The following ZNF843 variants were observed in gnomAD, a reference collection of about 807,000 sequenced individuals.
ZNF843 encodes the protein zinc finger protein 843.
For synonymous variants in ZNF843, 185 were observed against 207.7 expected (o/e 0.89, Z 0.94); for missense variants, 482 against 469.4 (o/e 1.03, Z -0.25).
chr16:31,436,488 A>G lies in ZNF843; in HGVS notation c.362T>C (p.Val121Ala), dbSNP rs1280174724. 4 of 1,551,682 alleles carry G rather than the reference A, an allele frequency of 2.6e-6. No homozygotes were observed. The highest frequency in any genetic ancestry group is 3.9e-5 in the Admixed American group (2 of 51,008). The change falls in exon 2 of 2, where the codon GTA becomes GCA. Residue 121 changes from valine to alanine, a missense_variant. By Grantham distance (64) the Val-to-Ala change is moderately conservative (BLOSUM62 0). Transcript: ENST00000315678. ...TLAEALRLSP[V>A]PAGFWGPVEA... The stretch of plus-strand genomic sequence containing the variant: ...CACCGGTCCCCAAAAACCTGCTGGT[A>G]CTGGGGACAGACGCAGGGCTTCGGC...
At position 31,436,267 on chromosome 16, in the gene ZNF843, C is replaced by G. The variant is rs552735980; in HGVS notation, c.583G>C (p.Gly195Arg). 38 of 1,548,374 alleles carry G rather than the reference C, an allele frequency of 2.5e-5. No homozygotes were observed. In the African/African-American group the frequency reaches 4.5e-4, roughly 18 times the overall value. ...PSSVAPDSTS[G>R]LRPCGSPGSF... The stretch of plus-strand genomic sequence containing the variant: ...CCGGGGCTCCCACAGGGCCGGAGCC[C>G]AGAGGTGCTGTCCGGGGCGACTGAG... Residue 195 changes from glycine to arginine, a missense_variant, in exon 2 of 2, where the codon GGG becomes CGG. Coordinates refer to ENST00000315678, the MANE Select transcript of ZNF843 (RefSeq NM_001136509.3).
Position 31,436,430 on chromosome 16 carries a change from C to G in ZNF843, c.420G>C (p.Arg140Ser). 1 of 1,551,682 alleles carries G rather than the reference C, an allele frequency of 6.4e-7. No homozygotes were observed. Among genetic ancestry groups the G allele is most frequent in the Non-Finnish European group, 8.7e-7 (1 of 1,146,978 alleles). The change falls in exon 2 of 2, where the codon AGG becomes AGC. Residue 140 changes from arginine to serine, a missense_variant. Arg to Ser is a moderately radical substitution (Grantham distance 110). Transcript: ENST00000315678. ...TGCAGCAGCAGAAGGGACACACTCTCCTGTGTGAATTCGCTGGTGGCCGAT... is the reference window on the plus strand; with the variant it reads ...TGCAGCAGCAGAAGGGACACACTCTGCTGTGTGAATTCGCTGGTGGCCGAT... ...EADRPPANSH[R>S]RVCPFCCCSC...
chr16:31,437,910 G>A (rs1567365757), intron 1 of ZNF843, among the ~76,000 whole-genome samples: 1 of 152,112 alleles, frequency 6.6e-6, no homozygotes, highest in Non-Finnish European at 1.5e-5. Context: ...ACAGGTGTGA[G>A]CCACTGCACA....
chr16:31,440,619 CTTA>C (rs1367369406), intron 1 of ZNF843, among the ~76,000 whole-genome samples: 1 of 152,170 alleles, frequency 6.6e-6, no homozygotes, highest in East Asian at 1.9e-4. Context: ...ATGCACAGAG[CTTA>C]TTTTTTTTCC....
Position 31,435,635 on chromosome 16 carries a change from T to C in ZNF843, c.*168A>G. The C allele has an allele frequency of 1.6e-6, 1 of 630,426 alleles. No homozygotes were observed. The highest frequency in any genetic ancestry group is 2.5e-6 in the Non-Finnish European group (1 of 403,058). 39.1% of individuals were successfully genotyped at this position (630,426 alleles called of 1,614,324 possible). A position where few individuals can be genotyped will look rare whatever the true frequency, so the allele number is the denominator to read the frequency against. Reference sequence around the variant, plus strand: ...ATGTATAAGGGAAAGGAGCGAGAATTCAGGGGAAAAAAAACAAACAAAATA... The same window carrying C: ...ATGTATAAGGGAAAGGAGCGAGAATCCAGGGGAAAAAAAACAAACAAAATA... On this transcript the variant is annotated 3_prime_UTR_variant, in exon 2 of 2. Coordinates refer to ENST00000315678, the MANE Select transcript of ZNF843 (RefSeq NM_001136509.3).
rs1168744199 is a variant in ZNF843 at position 31,436,282 on chromosome 16, G to A, written c.568C>T (p.Pro190Ser). Reference sequence around the variant, plus strand: ...GGCCGGAGCCCAGAGGTGCTGTCCGGGGCGACTGAGCTGGGTGCGAGGCTG... The same window carrying A: ...GGCCGGAGCCCAGAGGTGCTGTCCGAGGCGACTGAGCTGGGTGCGAGGCTG... ...SVSLAPSSVA[P>S]DSTSGLRPCG... Residue 190 changes from proline to serine, a missense_variant, in exon 2 of 2, where the codon CCG (proline) becomes TCG (serine). By Grantham distance (74) the Pro-to-Ser change is moderately conservative. Coordinates refer to ENST00000315678, the MANE Select transcript of ZNF843 (RefSeq NM_001136509.3). 6.5e-7 allele frequency: 1 copy of A among 1,549,262 alleles called. No individual in the cohort carries two copies. Among genetic ancestry groups the A allele is most frequent in the Non-Finnish European group, 8.7e-7 (1 of 1,145,682 alleles).
chr16:31,436,642 C>A lies in ZNF843; in HGVS notation c.208G>T (p.Asp70Tyr). 1 of 1,551,616 alleles carries A rather than the reference C, an allele frequency of 6.4e-7. No homozygotes were observed. Among genetic ancestry groups the A allele is most frequent in the Non-Finnish European group, 8.7e-7 (1 of 1,146,994 alleles). Reference protein sequence around the residue: ...ETLSLSPVRQDLLWPLQPHQA... With the variant: ...ETLSLSPVRQYLLWPLQPHQA... Reference sequence around the variant, plus strand: ...TGAGGTTGGAGCGGCCACAGCAGGTCTTGCCGCACTGGGGACAGCGACAAG... The same window carrying A: ...TGAGGTTGGAGCGGCCACAGCAGGTATTGCCGCACTGGGGACAGCGACAAG... The change falls in exon 2 of 2, where the codon GAC becomes TAC. Residue 70 changes from aspartate (D) to tyrosine (Y), a missense_variant. By Grantham distance (160) the Asp-to-Tyr change is radical. Coordinates refer to ENST00000315678, the MANE Select transcript of ZNF843 (RefSeq NM_001136509.3).
chr16:31,441,757 G>A (rs1032380859), intron 1 of ZNF843, among the ~76,000 whole-genome samples: 1 of 152,168 alleles, frequency 6.6e-6, no homozygotes, highest in African/African-American at 2.4e-5. Context: ...GAAGTGCTGG[G>A]ATTACAGACG....
intron 1 of ZNF843, among the ~76,000 whole-genome samples, chr16:31,437,695 G>C (rs546231208): frequency 6.7e-6 from 1 of 149,834 alleles, no homozygotes; most frequent in African/African-American, 2.5e-5. Context: ...AGCTATGTCG[G>C]CTCACTGCAA....
chr16:31,441,354 GT>G (rs2082200551), intron 1 of ZNF843, among the ~76,000 whole-genome samples: 1 of 152,222 alleles, frequency 6.6e-6, no homozygotes, highest in Non-Finnish European at 1.5e-5. Context: ...GCACCCAGGA[GT>G]AACAACATAC....
Position 31,436,879 on chromosome 16 carries a change from G to C in ZNF843, c.-30C>G. ...AGGGCTTCGGAGATGACCGCTCAGG[G>C]AGTAACTGTACGGGAGGCTTTGCCG... On this transcript the variant is annotated 5_prime_UTR_variant, in exon 2 of 2. Coordinates refer to ENST00000315678, the MANE Select transcript of ZNF843 (RefSeq NM_001136509.3). 6.7e-7 allele frequency: 1 copy of C among 1,492,470 alleles called. No homozygotes were observed. Among genetic ancestry groups the C allele is most frequent in the Non-Finnish European group, 9.0e-7 (1 of 1,115,996 alleles). The allele number at this position is 1,492,470 out of a possible 1,614,324, so 92.5% of individuals were successfully genotyped here.
At chr16:31,441,860 G>A (rs1275017799) in intron 1 of ZNF843, among the ~76,000 whole-genome samples, 2 of 152,152 alleles carry the variant, frequency 1.3e-5, no homozygotes, top group African/African-American at 4.8e-5. Context: ...TGGACTCAAT[G>A]TCACAAGATA....
At chr16:31,441,697 C>T (rs1169260481) in intron 1 of ZNF843, among the ~76,000 whole-genome samples, 1 of 151,892 alleles carries the variant, frequency 6.6e-6, no homozygotes, top group Non-Finnish European at 1.5e-5. Context: ...TTGTTGCCTA[C>T]GCTACTCTCC....
chr16:31,439,736 A>G (rs555685987), intron 1 of ZNF843, among the ~76,000 whole-genome samples: 13 of 152,376 alleles, frequency 8.5e-5, no homozygotes, highest in Admixed American at 3.3e-4. Context: ...GGGCTGGGTC[A>G]GGGAGAGAGC....
At chr16:31,438,738 CT>C (rs1477555560) in intron 1 of ZNF843, among the ~76,000 whole-genome samples, 1 of 152,120 alleles carries the variant, frequency 6.6e-6, no homozygotes, top group African/African-American at 2.4e-5. Flanking sequence ...CAAAAAATCA[CT>C]GACTCCTAAT....
At position 31,436,629 on chromosome 16, in the gene ZNF843, G is replaced by A; in HGVS notation, c.221C>T (p.Pro74Leu). The A allele has an allele frequency of 1.3e-6, 2 of 1,551,602 alleles. No individual in the cohort carries two copies. The highest frequency in any genetic ancestry group is 8.7e-7 in the Non-Finnish European group (1 of 1,146,974). ...CGCTGGTGCTTGATGAGGTTGGAGC[G>A]GCCACAGCAGGTCTTGCCGCACTGG... ...LSPVRQDLLW[P>L]LQPHQAPASP... is the part of the protein sequence containing the mutation. Residue 74 changes from proline (P) to leucine (L), a missense_variant, in exon 2 of 2, where the codon CCG (proline) becomes CTG (leucine). Transcript: ENST00000315678.
chr16:31,440,332 A>T (rs911355172), intron 1 of ZNF843, among the ~76,000 whole-genome samples: 1 of 152,264 alleles, frequency 6.6e-6, no homozygotes, highest in Non-Finnish European at 1.5e-5. Flanking sequence ...TATTTTATTC[A>T]GGCTTTGCCA....
Sources: gnomAD v4.1 joint callset for allele counts (sites outside exome capture counted in the v4.1 genomes callset) on GRCh38, gnomAD v4.1.1 for gene constraint, MANE v1.5 for transcripts, NCBI Gene and HGNC (gene_info 2026-07-23, HGNC 2026-07-21) for gene names.